Variants in RPS6KL1 observed in about 807,000 individuals in gnomAD.
RPS6KL1 encodes ribosomal protein S6 kinase like 1.
In RPS6KL1, 41 loss-of-function variants were observed where a neutral mutation model predicts 57.0. The observed-to-expected ratio is 0.72, with a 90% CI of 0.56 to 0.93. The LOEUF is 0.93. Among genes scored for constraint, RPS6KL1 ranks in the 40% least tolerant of loss-of-function variants. RPS6KL1 has a pLI of 0.00. For missense variants in RPS6KL1, 697 were observed against 727.7 expected (o/e 0.96, Z 0.49); for synonymous variants, 287 against 309.7 (o/e 0.93, Z 0.77).
chr14:74,911,352 C>T lies in RPS6KL1; in HGVS notation c.560G>A (p.Arg187Lys). Residue 187 changes from arginine (R) to lysine (K), a missense_variant, in exon 7 of 12, where the codon AGG (arginine) becomes AAG (lysine). Physicochemically the swap from Arg to Lys is conservative, Grantham distance 26. Transcript: ENST00000557413. ...KSLPRCHMVS[R>K]ERLTIIPHGV... ...GTGTGGGATGATGGTCAGCCGCTCC[C>T]TGCTCACCATGTGGCACCTGGGTAG... The T allele has an allele frequency of 6.2e-7, 1 of 1,609,676 alleles. No homozygotes were observed. Among genetic ancestry groups the T allele is most frequent in the Non-Finnish European group, 8.5e-7 (1 of 1,179,628 alleles).
chr14:74,911,926 T>C, intron 5 of RPS6KL1, 85 bp from the exon 6 acceptor site: 1 of 1,180,118 alleles, frequency 8.5e-7, no homozygotes, highest in Non-Finnish European at 1.2e-6. Context: ...CCCAGGTTCC[T>C]CCACTGAGGC....
chr14:74,909,600 C>A lies in RPS6KL1; in HGVS notation c.1213G>T (p.Glu405Ter). 3 of 1,612,496 alleles carry A rather than the reference C, an allele frequency of 1.9e-6. No homozygotes were observed. The highest frequency in any genetic ancestry group is 2.5e-6 in the Non-Finnish European group (3 of 1,179,892). ...AGGTCCCGGCACAGCACCCCCTGCT[C>A]GTGCAGCGCCTCCAGCGCTACCAGC... ...EMLVALEALH[E>*]QGVLCRDLHP... Residue 405 changes from glutamate to a stop codon, truncating the protein, a stop_gained, in exon 8 of 12, where the codon GAG (glutamate) becomes TAG (stop). Transcript: ENST00000557413. LOFTEE classifies it high-confidence loss of function.
chr14:74,920,513 G>A (rs1365609872), intron 3 of RPS6KL1, among the ~76,000 whole-genome samples: 1 of 152,168 alleles, frequency 6.6e-6, no homozygotes, highest in Non-Finnish European at 1.5e-5. Flanking sequence ...TCTCAAAATG[G>A]CCTCAGCACC....
intron 4 of RPS6KL1, 119 bp from the exon 5 acceptor site, chr14:74,918,724 G>T: frequency 1.4e-6 from 1 of 733,716 alleles, no homozygotes; most frequent in Non-Finnish European, 2.2e-6. Flanking sequence ...TGGGAGGGCA[G>T]GGGTATAGGC....
Position 74,909,891 on chromosome 14 carries a change from C to T in RPS6KL1, c.922G>A (p.Ala308Thr), listed in dbSNP as rs145302199. The change falls in exon 8 of 12, where the codon GCC (alanine) becomes ACC (threonine). Residue 308 changes from alanine (A) to threonine (T), a missense_variant. Coordinates refer to ENST00000557413, the MANE Select transcript of RPS6KL1 (RefSeq NM_031464.5). Reference protein sequence around the residue: ...PQREAEGEPTARTSTSGSSDL... With the variant: ...PQREAEGEPTTRTSTSGSSDL... ...GAGGAGCCAGAGGTGCTGGTCCTGG[C>T]TGTGGGTTCACCTTCAGCCTCCCTC... The T allele has an allele frequency of 8.4e-5, 136 of 1,613,992 alleles. No homozygotes were observed. In the African/African-American group the frequency reaches 1.5e-3, roughly 17 times the overall value.
At chr14:74,920,676 A>T (rs8013128) in intron 3 of RPS6KL1, among the ~76,000 whole-genome samples, 1,622 of 152,342 alleles carry the variant, frequency 0.011, 33 homozygotes, top group African/African-American at 0.035. Flanking sequence ...GAGATCTAAC[A>T]TCTAGAAAAT....
intron 6 of RPS6KL1, 98 bp from the exon 7 acceptor site, chr14:74,911,478 G>A (rs1373740635): frequency 1.4e-6 from 2 of 1,418,990 alleles, no homozygotes; most frequent in South Asian, 1.3e-5. Context: ...CCCGAATGAG[G>A]GTGGAGCAAC....
chr14:74,916,378 A>G (rs1886845378), intron 5 of RPS6KL1, among the ~76,000 whole-genome samples: 1 of 152,204 alleles, frequency 6.6e-6, no homozygotes, highest in African/African-American at 2.4e-5. Context: ...AAAGAAAAAA[A>G]AGAAGGGTAG....
chr14:74,910,790 C>T (rs2140275727), intron 7 of RPS6KL1: 1 of 168,546 alleles, frequency 5.9e-6, no homozygotes, highest in Admixed American at 5.4e-5. Context: ...CCACAACAGC[C>T]TGACTGGCCT....
At position 74,906,718 on chromosome 14, in the gene RPS6KL1, A is replaced by G. The variant is rs552031938; in HGVS notation, c.*296T>C. ...CTCAGCGCCAGTGCCACAGAAGGCA[A>G]CCTTTAACATGGTGAGTCCACATGC... is the stretch of plus-strand genomic sequence containing the variant. On this transcript the variant is annotated 3_prime_UTR_variant, in exon 12 of 12. Coordinates refer to ENST00000557413, the MANE Select transcript of RPS6KL1 (RefSeq NM_031464.5). The G allele has an allele frequency of 5.7e-5, 33 of 574,830 alleles. No individual in the cohort carries two copies. Among genetic ancestry groups the G allele is most frequent in the East Asian group, 3.3e-4 (8 of 23,890 alleles). The allele number at this position is 574,830 out of a possible 1,614,324, so 35.6% of individuals were successfully genotyped here.
At chr14:74,921,238 T>TGGCCCCCCCCCCCCCCCCCCCCC in intron 3 of RPS6KL1, 39 bp downstream of exon 3, 4 of 840,142 alleles carry the variant, frequency 4.8e-6, no homozygotes, top group Non-Finnish European at 6.1e-6. Flanking sequence ...CACTGGCCCT[T>TGGCCCCCCCCCCCCCCCCCCCCC]CCCCACCCAC....
At position 74,922,194 on chromosome 14, in the gene RPS6KL1, C is replaced by G; in HGVS notation, c.-237G>C. On this transcript the variant is annotated 5_prime_UTR_variant, in exon 2 of 12. Coordinates refer to ENST00000557413, the MANE Select transcript of RPS6KL1 (RefSeq NM_031464.5). Reference sequence around the variant, plus strand: ...TATCTGTGATCCACAGCCACCTTCACAGGGCCTCCGTAGAGCAAGCTTGGT... The same window carrying G: ...TATCTGTGATCCACAGCCACCTTCAGAGGGCCTCCGTAGAGCAAGCTTGGT... 1.0e-6 allele frequency: 1 copy of G among 987,422 alleles called. No homozygotes were observed. Among genetic ancestry groups the G allele is most frequent in the East Asian group, 1.1e-4 (1 of 8,828 alleles). The allele number at this position is 987,422 out of a possible 1,614,324, so 61.2% of individuals were successfully genotyped here.
In RPS6KL1 at chr14:74,905,101, A is replaced by T. The variant is rs747195253; in HGVS notation, c.*1913T>A. 3.9e-5 allele frequency: 6 copies of T among 152,178 alleles called. No individual in the cohort carries two copies. The highest frequency in any genetic ancestry group is 8.8e-5 in the Non-Finnish European group (6 of 68,016). The allele number at this position is 152,178 out of a possible 1,614,324, so 9.4% of individuals were successfully genotyped here. A position where few individuals can be genotyped will look rare whatever the true frequency, so the allele number is the denominator to read the frequency against. On this transcript the variant is annotated 3_prime_UTR_variant, in exon 12 of 12. Transcript: ENST00000557413. ...CTGGTAAACCTGCAAAATAGGCATT[A>T]TTTACCCCATTTTATCGAAAGGAGG...
At chr14:74,915,936 C>T (rs1031466753) in intron 5 of RPS6KL1, among the ~76,000 whole-genome samples, 1 of 152,222 alleles carries the variant, frequency 6.6e-6, no homozygotes, top group African/African-American at 2.4e-5. Flanking sequence ...CAGCAAATAC[C>T]CGGTGATGTC....
chr14:74,919,835 G>GGGGGGGGC lies in RPS6KL1; in HGVS notation c.390+9_390+10insGCCCCCCC. On this transcript the variant is annotated intron_variant, in intron 4 of 11. Coordinates refer to ENST00000557413, the MANE Select transcript of RPS6KL1 (RefSeq NM_031464.5). ...CCGCTCAGGCCTTTGGGTGGGGGGGGTCTCCTCACCGCGCTGGGGCTGGCT... is the reference window on the plus strand; with the variant it reads ...CCGCTCAGGCCTTTGGGTGGGGGGGGGGGGGGGCTCTCCTCACCGCGCTGGGGCTGGCT... 1 of 1,610,172 alleles carries GGGGGGGGC rather than the reference G, an allele frequency of 6.2e-7. No homozygotes were observed. The highest frequency in any genetic ancestry group is 8.5e-7 in the Non-Finnish European group (1 of 1,178,860).
In RPS6KL1 at chr14:74,906,391, A is replaced by C; in HGVS notation, c.*623T>G. The C allele has an allele frequency of 3.8e-6, 1 of 263,140 alleles. No homozygotes were observed. 16.3% of individuals were successfully genotyped at this position (263,140 alleles called of 1,614,324 possible). ...AGTCTGAAATCACAAGATAGGGGGC[A>C]TGGTCAGGAATCGGGGGTGGGGGGG... On this transcript the variant is annotated 3_prime_UTR_variant, in exon 12 of 12. Coordinates refer to ENST00000557413, the MANE Select transcript of RPS6KL1 (RefSeq NM_031464.5).
chr14:74,922,226 T>C lies in RPS6KL1; in HGVS notation c.-269A>G. On this transcript the variant is annotated 5_prime_UTR_variant, in exon 2 of 12. Transcript: ENST00000557413. ...TCCGTAGAGCAAGCTTGGTATCCAGTACGCATTCAGCACATGGAGGCCACA... is the reference window on the plus strand; with the variant it reads ...TCCGTAGAGCAAGCTTGGTATCCAGCACGCATTCAGCACATGGAGGCCACA... 1.0e-6 allele frequency: 1 copy of C among 986,692 alleles called. No homozygotes were observed. The highest frequency in any genetic ancestry group is 1.2e-6 in the Non-Finnish European group (1 of 830,784). 61.1% of individuals were successfully genotyped at this position (986,692 alleles called of 1,614,324 possible).
At position 74,905,273 on chromosome 14, in the gene RPS6KL1, T is replaced by C. The variant is rs562819569; in HGVS notation, c.*1741A>G. On this transcript the variant is annotated 3_prime_UTR_variant, in exon 12 of 12. Coordinates refer to ENST00000557413, the MANE Select transcript of RPS6KL1 (RefSeq NM_031464.5). ...TGGTTGGAAGTGGTCCAGCCTGACT[T>C]AGGGAGAGTAGCAGAAGGAACACTA... 1.3e-5 allele frequency: 2 copies of C among 152,164 alleles called. No homozygotes were observed. Among genetic ancestry groups the C allele is most frequent in the South Asian group, 4.2e-4 (2 of 4,808 alleles). The allele number at this position is 152,164 out of a possible 1,614,324, so 9.4% of individuals were successfully genotyped here. A position where few individuals can be genotyped will look rare whatever the true frequency, so the allele number is the denominator to read the frequency against.
chr14:74,908,693 T>C (rs768933481), intron 10 of RPS6KL1, among the ~76,000 whole-genome samples, 157 bp downstream of exon 10: 1 of 152,188 alleles, frequency 6.6e-6, no homozygotes, highest in Non-Finnish European at 1.5e-5. Flanking sequence ...AGCCAACTAA[T>C]GTGTTGGGAG....
Sources: gnomAD v4.1 joint callset for allele counts (sites outside exome capture counted in the v4.1 genomes callset) on GRCh38, gnomAD v4.1.1 for gene constraint, MANE v1.5 for transcripts, NCBI Gene and HGNC (gene_info 2026-07-23, HGNC 2026-07-21) for gene names.